Variants in SSH2 observed in about 807,000 individuals in gnomAD.
SSH2 encodes slingshot protein phosphatase 2.
SSH2 carries 37 observed loss-of-function variants against 135.2 expected under a neutral mutation model. The observed-to-expected ratio is 0.27, with a 90% CI of 0.21 to 0.36. The LOEUF (loss-of-function observed/expected upper bound fraction) is 0.36. Among genes scored for constraint, SSH2 ranks in the 10% least tolerant of loss-of-function variants. SSH2 has a pLI of 1.00. For missense variants in SSH2, 1,408 were observed against 1,765.3 expected (o/e 0.80, Z 3.63); for synonymous variants, 628 against 646.2 (o/e 0.97, Z 0.43).
intron 5 of SSH2, among the ~76,000 whole-genome samples, chr17:29,688,069 G>A (rs531193735): frequency 1.1e-4 from 16 of 151,194 alleles, no homozygotes; most frequent in Non-Finnish European, 1.9e-4. Context: ...GGAGTGCAGT[G>A]GTGTGATCTT....
intron 2 of SSH2, among the ~76,000 whole-genome samples, chr17:29,833,799 CTCCCTCCCTCTCTCCCTCCCTTCCTTCCT>C (rs2042894130): frequency 1.9e-5 from 1 of 53,142 alleles, no homozygotes; most frequent in Non-Finnish European, 3.7e-5. Context: ...TTCTCCTTCC[CTCCCTCCCTCTCTCCCTCCCTTCCTTCCT>C]TCCCTCCCTC....
intron 3 of SSH2, among the ~76,000 whole-genome samples, chr17:29,743,907 C>CT (rs59540894): frequency 0.39 from 38,868 of 99,182 alleles, 7,512 homozygotes; most frequent in Non-Finnish European, 0.42. Flanking sequence ...TTCTTTTTTC[C>CT]TTTTTTTTTT....
At chr17:29,679,939 A>G (rs2037897190) in intron 6 of SSH2, among the ~76,000 whole-genome samples, 1 of 152,162 alleles carries the variant, frequency 6.6e-6, no homozygotes, top group Non-Finnish European at 1.5e-5. Flanking sequence ...TTTTTTAAAC[A>G]AATTATTTAA....
At chr17:29,667,358 A>G in intron 9 of SSH2, 135 bp from the exon 10 acceptor site, 1 of 680,636 alleles carries the variant, frequency 1.5e-6, no homozygotes, top group Admixed American at 2.9e-5. Context: ...CTAGAGATCA[A>G]CAACTTAGAG....
chr17:29,878,635 T>A (rs1385039008), intron 1 of SSH2, among the ~76,000 whole-genome samples: 1 of 152,182 alleles, frequency 6.6e-6, no homozygotes, highest in African/African-American at 2.4e-5. Context: ...AAATCTCCCT[T>A]ACTACCTTAT....
In SSH2 at chr17:29,631,970, T is replaced by A; in HGVS notation, c.3224A>T (p.Lys1075Ile). 1 of 1,614,186 alleles carries A rather than the reference T, an allele frequency of 6.2e-7. No homozygotes were observed. The highest frequency in any genetic ancestry group is 8.5e-7 in the Non-Finnish European group (1 of 1,180,020). Residue 1075 changes from lysine (K) to isoleucine (I), a missense_variant, in exon 16 of 16, where the codon AAA (lysine) becomes ATA (isoleucine). Lys to Ile is a moderately radical substitution (Grantham distance 102, BLOSUM62 -3). Coordinates refer to ENST00000540801, the MANE Select transcript of SSH2 (RefSeq NM_001282129.2). ...EQGLRKVNME[K>I]SVTVLCTLDE... ...CAGTGTGCAGAGCACAGTGACAGAT[T>A]TTTCCATGTTCACTTTCCTCAGCCC...
chr17:29,902,200 T>C lies in SSH2; in HGVS notation c.63+27738A>G, dbSNP rs574727246. Among the ~76,000 whole-genome samples, 3 of 152,326 alleles carry C rather than the reference T, an allele frequency of 2.0e-5. No homozygotes were observed. In the East Asian group the frequency reaches 5.8e-4, roughly 29 times the overall value. ...TGATACATGAAACTTAAAAATTAGT[T>C]TCCAAAATTCACATTTAATATGCTG... On this transcript the variant is annotated intron_variant, in intron 1 of 15. Transcript: ENST00000540801.
intron 1 of SSH2, chr17:29,866,226 A>G (rs1347673892): frequency 6.6e-6 from 1 of 151,092 alleles, no homozygotes; most frequent in African/African-American, 2.4e-5. Flanking sequence ...TCATTTAGAA[A>G]TTTATGTGTA....
intron 2 of SSH2, among the ~76,000 whole-genome samples, chr17:29,832,538 T>C (rs1396822366): frequency 1.3e-5 from 2 of 152,262 alleles, no homozygotes; most frequent in African/African-American, 4.8e-5. Flanking sequence ...ATTGACCTGC[T>C]GGTCATTCAG....
intron 3 of SSH2, among the ~76,000 whole-genome samples, chr17:29,708,759 A>C (rs2039315458): frequency 6.6e-6 from 1 of 151,408 alleles, no homozygotes; most frequent in Admixed American, 6.6e-5. Flanking sequence ...GTTAAATATA[A>C]CCCCGAAGGA....
At chr17:29,875,104 TCA>T (rs2066005216) in intron 1 of SSH2, among the ~76,000 whole-genome samples, 1 of 152,118 alleles carries the variant, frequency 6.6e-6, no homozygotes, top group Non-Finnish European at 1.5e-5. Flanking sequence ...TGTCTGTATA[TCA>T]CTCTCTCTAA....
intron 1 of SSH2, among the ~76,000 whole-genome samples, chr17:29,869,335 C>T (rs1010905050): frequency 2.6e-5 from 4 of 152,136 alleles, no homozygotes; most frequent in Admixed American, 2.0e-4. Flanking sequence ...GTTGGTTGCC[C>T]GAAATCCAAG....
intron 9 of SSH2, among the ~76,000 whole-genome samples, chr17:29,667,603 A>G (rs983302869): frequency 6.6e-6 from 1 of 152,218 alleles, no homozygotes; most frequent in African/African-American, 2.4e-5. Context: ...AAACAGTTTC[A>G]TCATGAAACC....
At position 29,627,697 on chromosome 17, in the gene SSH2, G is replaced by T. The variant is rs943148426; in HGVS notation, c.*3144C>A. On this transcript the variant is annotated 3_prime_UTR_variant, in exon 16 of 16. Transcript: ENST00000540801. ...TAAAATGAGGAGAGATGAATATTAC[G>T]GTACTATAGTACTACATGTCTACTA... 6.6e-6 allele frequency: 1 copy of T among 152,510 alleles called. No homozygotes were observed. The highest frequency in any genetic ancestry group is 1.5e-5 in the Non-Finnish European group (1 of 68,012). 9.4% of individuals were successfully genotyped at this position (152,510 alleles called of 1,614,324 possible).
chr17:29,807,803 A>G (rs944584778), intron 2 of SSH2, among the ~76,000 whole-genome samples: 1 of 149,246 alleles, frequency 6.7e-6, no homozygotes, highest in African/African-American at 2.5e-5. Context: ...TTAGCATCTT[A>G]GAAAATTATA....
chr17:29,779,577 C>T (rs564212566), intron 3 of SSH2, among the ~76,000 whole-genome samples: 38 of 152,104 alleles, frequency 2.5e-4, no homozygotes, highest in Non-Finnish European at 4.1e-4. Flanking sequence ...TGGTAGTTTA[C>T]GCCTGTAATC....
chr17:29,666,247 G>A (rs761978588), intron 11 of SSH2, among the ~76,000 whole-genome samples: 88 of 152,118 alleles, frequency 5.8e-4, no homozygotes, highest in Non-Finnish European at 1.1e-3. Flanking sequence ...GGTGGCACAC[G>A]CTTGTGGTCC....
At chr17:29,748,259 G>T (rs1041811349) in intron 3 of SSH2, among the ~76,000 whole-genome samples, 2 of 151,928 alleles carry the variant, frequency 1.3e-5, no homozygotes, top group Non-Finnish European at 2.9e-5. Flanking sequence ...GCCACAGAAA[G>T]TTACCACCAA....
intron 11 of SSH2, among the ~76,000 whole-genome samples, chr17:29,657,295 G>A (rs1189658526): frequency 3.4e-5 from 5 of 148,866 alleles, no homozygotes; most frequent in African/African-American, 1.2e-4. Context: ...TGAGACGGGA[G>A]TTTCACTCTT....
Sources: allele counts gnomAD v4.1 joint callset (sites outside exome capture counted in the v4.1 genomes callset), GRCh38; gene constraint gnomAD v4.1.1; transcripts MANE v1.5; gene names NCBI Gene and HGNC (gene_info 2026-07-23, HGNC 2026-07-21).